SPTLC3: variants seen among roughly 807,000 people sequenced by gnomAD.
SPTLC3 encodes serine palmitoyltransferase 3.
Under a neutral mutation model 59.3 loss-of-function variants are expected in SPTLC3, and 36 were observed. The ratio of observed to expected loss-of-function variants is 0.61; its 90% CI spans 0.47 to 0.80. The LOEUF (loss-of-function observed/expected upper bound fraction) is 0.80, where lower values mean the gene tolerates loss of function less well. Ranked by LOEUF, SPTLC3 falls within the 30% of genes least tolerant of loss-of-function variation. SPTLC3 has a pLI of 0.00. For synonymous variants in SPTLC3, 257 were observed against 240.8 expected (o/e 1.07, Z -0.62); for missense variants, 625 against 685.1 (o/e 0.91, Z 0.98).
chr20:13,069,631 T>C lies in SPTLC3; in HGVS notation c.304-2625T>C, dbSNP rs189726476. Among the ~76,000 whole-genome samples, 224 of 152,282 alleles carry C rather than the reference T, an allele frequency of 1.5e-3. 1 individual carries two copies. Among genetic ancestry groups the C allele is most frequent in the African/African-American group, 5.1e-3 (211 of 41,566 alleles). On this transcript the variant is annotated intron_variant, in intron 2 of 11. Transcript: ENST00000399002. ...GCTCGCTCACCCGCTGCTCACCTCC[T>C]GCTGTGTGGCCTGGTTCCTAACAGG...
intron 1 of SPTLC3, among the ~76,000 whole-genome samples, chr20:13,009,860 G>T (rs1468752349): frequency 3.3e-5 from 5 of 152,144 alleles, no homozygotes; most frequent in African/African-American, 1.2e-4. Context: ...GTTATTATTG[G>T]TGTGTAGTGG....
intron 6 of SPTLC3, among the ~76,000 whole-genome samples, chr20:13,097,893 G>A (rs1240741234): frequency 6.6e-6 from 1 of 152,108 alleles, no homozygotes; most frequent in African/African-American, 2.4e-5. Context: ...AAAGAGACAG[G>A]AAAATGCATA....
intron 1 of SPTLC3, among the ~76,000 whole-genome samples, chr20:13,020,388 G>T (rs79549799): frequency 1.5e-4 from 23 of 151,552 alleles, no homozygotes. Flanking sequence ...TTAGCTGGAC[G>T]TGGTGGCATG....
chr20:13,089,912 A>G (rs1600268630), intron 4 of SPTLC3, among the ~76,000 whole-genome samples: 1 of 152,214 alleles, frequency 6.6e-6, no homozygotes, highest in Non-Finnish European at 1.5e-5. Context: ...TAAATTTCCA[A>G]TAATTAATAT....
intron 1 of SPTLC3, among the ~76,000 whole-genome samples, chr20:13,037,712 T>A (rs1371995811): frequency 6.6e-6 from 1 of 152,116 alleles, no homozygotes; most frequent in Admixed American, 6.6e-5. Flanking sequence ...GCGGAAATAT[T>A]TTAGATGGGT....
rs2038996985 is a variant in SPTLC3 at position 13,167,337 on chromosome 20, C to T, written c.*2470C>T. 2 of 145,624 alleles carry T rather than the reference C, an allele frequency of 1.4e-5. No homozygotes were observed. Among genetic ancestry groups the T allele is most frequent in the African/African-American group, 2.5e-5 (1 of 39,946 alleles). The allele number at this position is 145,624 out of a possible 1,614,324, so 9.0% of individuals were successfully genotyped here. ...CATCAACCATTACCCTCTACATCAC[C>T]GCCCCGACCTTAGCTCTAATTATAT... is the stretch of plus-strand genomic sequence containing the variant. On this transcript the variant is annotated 3_prime_UTR_variant, in exon 12 of 12. Transcript: ENST00000399002.
intron 1 of SPTLC3, among the ~76,000 whole-genome samples, chr20:13,016,982 TC>T (rs1158366565): frequency 1.3e-5 from 2 of 152,216 alleles, no homozygotes; most frequent in South Asian, 2.1e-4. Flanking sequence ...CTTATAAGTA[TC>T]AAAACCAGGT....
chr20:13,100,193 A>G (rs1447782377), intron 6 of SPTLC3, among the ~76,000 whole-genome samples: 1 of 152,194 alleles, frequency 6.6e-6, no homozygotes, highest in African/African-American at 2.4e-5. Context: ...TACCTAAGAT[A>G]TACTTAAACC....
chr20:13,028,237 T>C (rs1294185107), intron 1 of SPTLC3, among the ~76,000 whole-genome samples: 1 of 152,202 alleles, frequency 6.6e-6, no homozygotes, highest in Non-Finnish European at 1.5e-5. Context: ...CCATGTTATA[T>C]GATTTTTTTT....
chr20:13,158,828 C>T (rs1351573127), intron 10 of SPTLC3, among the ~76,000 whole-genome samples: 1 of 152,208 alleles, frequency 6.6e-6, no homozygotes, highest in Admixed American at 6.5e-5. Context: ...GACTGCTCAA[C>T]AGCAAAACAA....
chr20:13,070,930 G>A (rs771657720), intron 2 of SPTLC3, among the ~76,000 whole-genome samples: 1 of 152,042 alleles, frequency 6.6e-6, no homozygotes, highest in Non-Finnish European at 1.5e-5. Context: ...AACTCCCCAA[G>A]CATCCCTGCC....
chr20:13,117,057 C>T (rs955988730), intron 7 of SPTLC3, among the ~76,000 whole-genome samples: 1 of 152,210 alleles, frequency 6.6e-6, no homozygotes, highest in African/African-American at 2.4e-5. Flanking sequence ...TTAATTCCCT[C>T]TTTTAATCTA....
chr20:13,011,258 C>G (rs1985229483), intron 1 of SPTLC3, among the ~76,000 whole-genome samples: 1 of 152,134 alleles, frequency 6.6e-6, no homozygotes, highest in South Asian at 2.1e-4. Context: ...AGTTTTGATC[C>G]TTGGGACCCT....
rs376023233 is a variant in SPTLC3 at position 13,091,126 on chromosome 20, G to A, written c.651G>A (p.Lys217=). Residue 217 remains lysine, a synonymous_variant, in exon 5 of 12, where the codon AAG becomes AAA. Transcript: ENST00000399002. The part of the protein sequence containing the change: ...KHKELEDLVA[K]FLNVEAAMVF... Reference sequence around the variant, plus strand: ...AGGAGTTGGAGGACCTTGTGGCTAAGTTCCTGAATGTGGAAGCAGCTATGG... The same window carrying A: ...AGGAGTTGGAGGACCTTGTGGCTAAATTCCTGAATGTGGAAGCAGCTATGG... 5.0e-6 allele frequency: 8 copies of A among 1,614,090 alleles called. No individual in the cohort carries two copies. The African/African-American group carries it at 9.3e-5, about 19-fold the overall frequency.
rs147505695 is a variant in SPTLC3 at position 13,071,728 on chromosome 20, C to T, written c.304-528C>T. ...GATTACACTTTATACAGCAACTCAG[C>T]GTTCTTACCTCAGCTGTGAGAGAGG... On this transcript the variant is annotated intron_variant, in intron 2 of 11. Coordinates refer to ENST00000399002, the MANE Select transcript of SPTLC3 (RefSeq NM_018327.4). Among the ~76,000 whole-genome samples the T allele has an allele frequency of 2.2e-4, 33 of 152,250 alleles. No homozygotes were observed. The East Asian group carries it at 6.2e-3, about 29-fold the overall frequency.
chr20:13,060,308 A>C (rs1008434467), intron 2 of SPTLC3, among the ~76,000 whole-genome samples: 1 of 152,176 alleles, frequency 6.6e-6, no homozygotes, highest in Non-Finnish European at 1.5e-5. Flanking sequence ...ATCTGATTAT[A>C]GTTTACAGAA....
intron 1 of SPTLC3, among the ~76,000 whole-genome samples, chr20:13,029,542 A>G (rs1174759705): frequency 6.6e-6 from 1 of 152,166 alleles, no homozygotes; most frequent in African/African-American, 2.4e-5. Context: ...TAATCAGATA[A>G]TTATAATTAT....
At chr20:13,118,884 C>T (rs888925346) in intron 8 of SPTLC3, among the ~76,000 whole-genome samples, 19 of 152,240 alleles carry the variant, frequency 1.2e-4, no homozygotes, top group Admixed American at 1.1e-3. Flanking sequence ...CCATGAAATG[C>T]ACAGATGCTT....
At chr20:13,107,081 A>G (rs573212892) in intron 6 of SPTLC3, among the ~76,000 whole-genome samples, 4 of 152,314 alleles carry the variant, frequency 2.6e-5, no homozygotes, top group Admixed American at 6.5e-5. Flanking sequence ...GGTAAGAAAA[A>G]CATTATATCG....
Sources: allele counts gnomAD v4.1 joint callset (sites outside exome capture counted in the v4.1 genomes callset), GRCh38; gene constraint gnomAD v4.1.1; transcripts MANE v1.5; gene names NCBI Gene and HGNC (gene_info 2026-07-23, HGNC 2026-07-21).